Variants in CNTNAP2 observed in about 807,000 individuals in gnomAD.
The protein encoded by CNTNAP2 is contactin associated protein 2.
CNTNAP2 carries 98 observed loss-of-function variants against 155.2 expected under a neutral mutation model. The ratio of observed to expected loss-of-function variants is 0.63; its 90% CI spans 0.54 to 0.75. The LOEUF (loss-of-function observed/expected upper bound fraction) is 0.75, where lower values mean the gene tolerates loss of function less well. CNTNAP2 is among the 30% of genes least tolerant of loss of function. CNTNAP2 has a pLI of 0.00. For synonymous variants in CNTNAP2, 651 were observed against 631.2 expected, an observed-to-expected ratio of 1.03 and a Z score of -0.47; for missense variants, 1,727 against 1,688.1, an observed-to-expected ratio of 1.02 and a Z score of -0.40.
chr7:148,028,165 AG>A (rs898035791), intron 15 of CNTNAP2, among the ~76,000 whole-genome samples: 4 of 152,214 alleles, frequency 2.6e-5, no homozygotes, highest in African/African-American at 9.6e-5. Flanking sequence ...CGGTGTCATA[AG>A]GTTACTTTCA....
At chr7:148,166,641 T>C (rs140140225) in intron 17 of CNTNAP2, among the ~76,000 whole-genome samples, 11 of 152,356 alleles carry the variant, frequency 7.2e-5, no homozygotes, top group African/African-American at 2.6e-4. Flanking sequence ...TTAATTGCAA[T>C]ACTTGCAAAG....
intron 21 of CNTNAP2, among the ~76,000 whole-genome samples, chr7:148,382,202 A>G (rs1233387371): frequency 1.3e-5 from 2 of 152,192 alleles, no homozygotes; most frequent in South Asian, 2.1e-4. Context: ...GCTTCTGCCA[A>G]TGCTCACAGC....
intron 1 of CNTNAP2, among the ~76,000 whole-genome samples, chr7:146,716,755 G>C (rs1801195344): frequency 6.6e-6 from 1 of 152,138 alleles, no homozygotes; most frequent in Non-Finnish European, 1.5e-5. Context: ...GATCAAAGGA[G>C]ATCAATATGT....
chr7:146,736,274 G>C (rs542094772), intron 1 of CNTNAP2, among the ~76,000 whole-genome samples: 1 of 152,076 alleles, frequency 6.6e-6, no homozygotes, highest in South Asian at 2.1e-4. Flanking sequence ...GGATACCAAA[G>C]GATAATTGTA....
intron 8 of CNTNAP2, chr7:147,167,508 A>G: frequency 1.2e-6 from 1 of 848,848 alleles, no homozygotes; most frequent in Admixed American, 2.1e-5. Flanking sequence ...CCCAGCTTTG[A>G]CAGAGCATTA....
chr7:147,804,764 G>A (rs907135121), intron 13 of CNTNAP2, among the ~76,000 whole-genome samples: 4 of 152,076 alleles, frequency 2.6e-5, no homozygotes, highest in African/African-American at 9.7e-5. Context: ...ATGTTGGCCA[G>A]GCTGGTCTCA....
intron 4 of CNTNAP2, among the ~76,000 whole-genome samples, chr7:147,102,593 G>A (rs1426829348): frequency 1.3e-5 from 2 of 152,170 alleles, no homozygotes; most frequent in Admixed American, 6.5e-5. Context: ...TGGCCTTCAG[G>A]AAAGAAGAGC....
intron 1 of CNTNAP2, among the ~76,000 whole-genome samples, chr7:146,445,896 A>G (rs1280730170): frequency 1.3e-5 from 2 of 152,170 alleles, no homozygotes; most frequent in Non-Finnish European, 2.9e-5. Flanking sequence ...GAATTCTAGT[A>G]TCTCGGGTAG....
At position 146,170,415 on chromosome 7, in the gene CNTNAP2, CT is replaced by C. The variant is rs1270945157; in HGVS notation, c.97+53446del. 2.6e-5 allele frequency among the ~76,000 whole-genome samples: 4 copies of C among 152,236 alleles called. No individual in the cohort carries two copies. In the East Asian group the frequency reaches 5.8e-4, roughly 22 times the overall value. On this transcript the variant is annotated intron_variant, in intron 1 of 23. Transcript: ENST00000361727. ...TCCAACCGAAGGGCACAAGGGTTCC[CT>C]TTTCTTCACATGCTTGCCAACATTT...
intron 1 of CNTNAP2, among the ~76,000 whole-genome samples, chr7:146,246,221 A>G (rs1242306204): frequency 6.6e-6 from 1 of 150,772 alleles, no homozygotes; most frequent in Non-Finnish European, 1.5e-5. Flanking sequence ...AGTATCTTAT[A>G]CTTGTGGGTT....
At chr7:148,137,675 A>AGGAAGGAAGGAAGGAAGGAT (rs1563211675) in intron 16 of CNTNAP2, among the ~76,000 whole-genome samples, 1 of 72,588 alleles carries the variant, frequency 1.4e-5, no homozygotes, top group African/African-American at 6.4e-5. Context: ...AAAAAAAGGA[A>AGGAAGGAAGGAAGGAAGGAT]GGAAGGAAGG....
At chr7:146,136,851 C>T (rs1046985340) in intron 1 of CNTNAP2, among the ~76,000 whole-genome samples, 3 of 152,158 alleles carry the variant, frequency 2.0e-5, no homozygotes, top group Admixed American at 2.0e-4. Context: ...AGTCTGGGGC[C>T]TGCTTCGAAG....
chr7:146,364,389 G>A (rs115480210), intron 1 of CNTNAP2, among the ~76,000 whole-genome samples: 6 of 152,046 alleles, frequency 3.9e-5, no homozygotes, highest in Admixed American at 1.3e-4. Flanking sequence ...ACAGAGTTTC[G>A]TTTAGAATGC....
intron 21 of CNTNAP2, among the ~76,000 whole-genome samples, chr7:148,354,178 ATTTTTTTTTTTTTT>A (rs57278575): frequency 1.0e-5 from 1 of 99,298 alleles, no homozygotes; most frequent in African/African-American, 3.9e-5. Flanking sequence ...GAAACGATTA[ATTTTTTTTTTTTTT>A]TTTTTTTTTT....
At chr7:146,413,207 A>G (rs1724519) in intron 1 of CNTNAP2, among the ~76,000 whole-genome samples, 5,426 of 152,268 alleles carry the variant, frequency 0.036, 347 homozygotes, top group African/African-American at 0.12. Context: ...AGAAAGATGC[A>G]GGAAAGAAAA....
In CNTNAP2 at chr7:148,415,620, G is replaced by A. The variant is rs374277682; in HGVS notation, c.*4G>A. On this transcript the variant is annotated 3_prime_UTR_variant, in exon 24 of 24. Coordinates refer to ENST00000361727, the MANE Select transcript of CNTNAP2 (RefSeq NM_014141.6). ...CAAAAAGGAATGGCTCATTTGAGGG[G>A]TGGCTACTTGGCTATGGGATAGGGA... 6.8e-6 allele frequency: 11 copies of A among 1,614,044 alleles called. No individual in the cohort carries two copies. Among genetic ancestry groups the A allele is most frequent in the Admixed American group, 5.0e-5 (3 of 60,002 alleles).
intron 3 of CNTNAP2, among the ~76,000 whole-genome samples, chr7:146,985,264 A>G (rs1372032364): frequency 6.6e-6 from 1 of 151,956 alleles, no homozygotes; most frequent in Non-Finnish European, 1.5e-5. Context: ...TCTGACACTG[A>G]CAAAATACCT....
chr7:146,510,023 G>T (rs7805502), intron 1 of CNTNAP2, among the ~76,000 whole-genome samples: 1 of 152,046 alleles, frequency 6.6e-6, no homozygotes, highest in Admixed American at 6.6e-5. Flanking sequence ...CACTCACCTC[G>T]GAATCCTGCT....
At chr7:147,810,858 C>G (rs544177430) in intron 13 of CNTNAP2, among the ~76,000 whole-genome samples, 1 of 152,186 alleles carries the variant, frequency 6.6e-6, no homozygotes, top group Admixed American at 6.5e-5. Flanking sequence ...TGAAGTTCTA[C>G]TCTACCAATG....
Sources: allele counts gnomAD v4.1 joint callset (sites outside exome capture counted in the v4.1 genomes callset), GRCh38; gene constraint gnomAD v4.1.1; transcripts MANE v1.5; gene names NCBI Gene and HGNC (gene_info 2026-07-23, HGNC 2026-07-21).